Variants in PTPN13 observed in about 807,000 individuals in gnomAD.
PTPN13 encodes the protein protein tyrosine phosphatase non-receptor type 13.
PTPN13 carries 191 observed loss-of-function variants against 284.0 expected under a neutral mutation model. That is an observed-to-expected ratio of 0.67 (90% CI 0.60 to 0.76). The LOEUF (loss-of-function observed/expected upper bound fraction) is 0.76, where lower values mean the gene tolerates loss of function less well. PTPN13 is among the 30% of genes least tolerant of loss of function. The pLI is 0.00. For synonymous variants in PTPN13, 986 were observed against 1,022.3 expected (o/e 0.96, Z 0.68); for missense variants, 2,797 against 2,939.9 (o/e 0.95, Z 1.12).
chr4:86,605,952 T>A (rs1407821082), intron 1 of PTPN13, among the ~76,000 whole-genome samples: 1 of 151,842 alleles, frequency 6.6e-6, no homozygotes, highest in East Asian at 1.9e-4. Flanking sequence ...TCAGTCCACA[T>A]TTGCAGAAAA....
intron 15 of PTPN13, among the ~76,000 whole-genome samples, chr4:86,739,635 T>A (rs1735932130): frequency 2.6e-5 from 4 of 152,194 alleles, no homozygotes; most frequent in Admixed American, 2.6e-4. Context: ...CCCTCCCAAA[T>A]CTCATGTCCT....
chr4:86,721,530 G>A (rs1324799472), intron 9 of PTPN13, among the ~76,000 whole-genome samples: 2 of 152,068 alleles, frequency 1.3e-5, no homozygotes, highest in Non-Finnish European at 2.9e-5. Context: ...GGGAGAACGG[G>A]GAGTAATGTC....
intron 40 of PTPN13, among the ~76,000 whole-genome samples, chr4:86,793,147 T>A (rs1412208734): frequency 1.3e-5 from 2 of 151,862 alleles, no homozygotes. Context: ...AGGCTCAAAA[T>A]AAAGGGATGG....
rs531965509 is a variant in PTPN13 at position 86,649,614 on chromosome 4, G to A, written c.115+14243G>A. Reference sequence around the variant, plus strand: ...TCTGTTTCTATGTTAATACCATGCTGTTTTGGTATCTATAGCTTTGTATTA... The same window carrying A: ...TCTGTTTCTATGTTAATACCATGCTATTTTGGTATCTATAGCTTTGTATTA... On this transcript the variant is annotated intron_variant, in intron 2 of 47. Transcript: ENST00000411767. Among the ~76,000 whole-genome samples, 7 of 152,256 alleles carry A rather than the reference G, an allele frequency of 4.6e-5. No homozygotes were observed. The East Asian group carries it at 1.4e-3, about 29-fold the overall frequency.
At chr4:86,796,737 T>C (rs1743382862) in intron 40 of PTPN13, 137 bp from the exon 41 acceptor site, 1 of 610,754 alleles carries the variant, frequency 1.6e-6, no homozygotes, top group Admixed American at 3.1e-5. Context: ...AGTGTATTAA[T>C]TGAATGTCAT....
At chr4:86,656,017 C>G (rs559799694) in intron 2 of PTPN13, among the ~76,000 whole-genome samples, 3 of 152,176 alleles carry the variant, frequency 2.0e-5, no homozygotes, top group Non-Finnish European at 4.4e-5. Context: ...GATACCCTTT[C>G]TTCCAGTTGA....
intron 36 of PTPN13, among the ~76,000 whole-genome samples, chr4:86,781,797 T>C (rs1036236593): frequency 2.6e-5 from 4 of 152,048 alleles, no homozygotes; most frequent in Non-Finnish European, 5.9e-5. Context: ...ACCCCGTCTC[T>C]ACTAAAAATA....
chr4:86,746,877 G>A (rs569545017), intron 17 of PTPN13, among the ~76,000 whole-genome samples: 7 of 152,148 alleles, frequency 4.6e-5, no homozygotes, highest in South Asian at 2.1e-4. Context: ...TGATCTGCCC[G>A]CCTCGGCCTC....
chr4:86,689,251 ATTTTC>A, intron 5 of PTPN13, 61 bp downstream of exon 5: 1 of 1,449,734 alleles, frequency 6.9e-7, no homozygotes, highest in South Asian at 1.3e-5. Flanking sequence ...ATATCACAAA[ATTTTC>A]TTTAAGGATA....
intron 1 of PTPN13, among the ~76,000 whole-genome samples, chr4:86,628,665 A>T (rs1444750201): frequency 1.3e-5 from 1 of 78,942 alleles, no homozygotes; most frequent in Non-Finnish European, 2.5e-5. Flanking sequence ...CCCCGACCCC[A>T]CCACAGTCCC....
At chr4:86,595,408 T>G (rs1304279488) in intron 1 of PTPN13, among the ~76,000 whole-genome samples, 1 of 151,972 alleles carries the variant, frequency 6.6e-6, no homozygotes, top group Non-Finnish European at 1.5e-5. Context: ...GCTCATTACG[T>G]GATACTGTAA....
chr4:86,775,931 G>GT (rs1214391489), intron 35 of PTPN13, among the ~76,000 whole-genome samples: 2 of 151,932 alleles, frequency 1.3e-5, no homozygotes, highest in Admixed American at 6.6e-5. Context: ...TTTATTGGGA[G>GT]TTTTTTTGTT....
chr4:86,622,926 A>G (rs1194046754), intron 1 of PTPN13, among the ~76,000 whole-genome samples: 1 of 152,144 alleles, frequency 6.6e-6, no homozygotes, highest in Admixed American at 6.6e-5. Flanking sequence ...TTCCCTCCAA[A>G]CCAACTCCTT....
At chr4:86,612,923 T>C (rs1720090115) in intron 1 of PTPN13, among the ~76,000 whole-genome samples, 1 of 152,124 alleles carries the variant, frequency 6.6e-6, no homozygotes, top group Non-Finnish European at 1.5e-5. Context: ...AGATATACAG[T>C]AGCTGAAAGA....
At chr4:86,774,557 A>C in intron 33 of PTPN13, 26 bp downstream of exon 33, 4 of 1,563,486 alleles carry the variant, frequency 2.6e-6, no homozygotes, top group Non-Finnish European at 3.5e-6. Flanking sequence ...GGAATGGATT[A>C]TTTGTGTAAA....
intron 7 of PTPN13, among the ~76,000 whole-genome samples, chr4:86,716,110 TAC>T (rs1230680371): frequency 6.6e-6 from 1 of 152,242 alleles, no homozygotes; most frequent in Admixed American, 6.5e-5. Context: ...AACAGAGAAT[TAC>T]ACATAGTAAA....
At chr4:86,701,042 C>T (rs947025427) in intron 6 of PTPN13, among the ~76,000 whole-genome samples, 199 bp from the exon 7 acceptor site, 7 of 152,090 alleles carry the variant, frequency 4.6e-5, no homozygotes, top group African/African-American at 1.2e-4. Context: ...AGATAAGAGA[C>T]GATGAACTAT....
At chr4:86,618,773 A>G in intron 1 of PTPN13, among the ~76,000 whole-genome samples, 1 of 152,122 alleles carries the variant, frequency 6.6e-6, no homozygotes, top group African/African-American at 2.4e-5. Context: ...TTGTACATTG[A>G]TTTTGTATCC....
intron 47 of PTPN13, among the ~76,000 whole-genome samples, chr4:86,812,469 C>T (rs565973374): frequency 6.6e-6 from 1 of 152,134 alleles, no homozygotes; most frequent in African/African-American, 2.4e-5. Flanking sequence ...ATATAGGATC[C>T]CTGAAAGTGG....
Sources: gnomAD v4.1 joint callset for allele counts (sites outside exome capture counted in the v4.1 genomes callset) on GRCh38, gnomAD v4.1.1 for gene constraint, MANE v1.5 for transcripts, NCBI Gene and HGNC (gene_info 2026-07-23, HGNC 2026-07-21) for gene names.